Variants in EPB41L4A observed in about 807,000 individuals in gnomAD.
EPB41L4A encodes the protein erythrocyte membrane protein band 4.1 like 4A.
In EPB41L4A, 100 loss-of-function variants were observed where a neutral mutation model predicts 108.6. The ratio of observed to expected loss-of-function variants is 0.92; its 90% CI spans 0.78 to 1.09. The LOEUF (loss-of-function observed/expected upper bound fraction) is 1.09. Among genes scored for constraint, EPB41L4A ranks in the 50% least tolerant of loss-of-function variants. The pLI is 0.00. For synonymous variants in EPB41L4A, 319 were observed against 289.0 expected, an observed-to-expected ratio of 1.10 and a Z score of -1.05; for missense variants, 1,030 against 842.7, an observed-to-expected ratio of 1.22 and a Z score of -2.75.
intron 1 of EPB41L4A, among the ~76,000 whole-genome samples, chr5:112,327,802 A>G (rs1198728223): frequency 2.0e-5 from 3 of 152,196 alleles, no homozygotes; most frequent in African/African-American, 7.2e-5. Context: ...CGCAAGTAAC[A>G]GAAAGGGAGA....
At chr5:112,374,998 G>A (rs958864270) in intron 1 of EPB41L4A, among the ~76,000 whole-genome samples, 3 of 152,124 alleles carry the variant, frequency 2.0e-5, no homozygotes, top group East Asian at 1.9e-4. Flanking sequence ...CCAGCTACAC[G>A]TAACAATCAC....
At chr5:112,204,066 C>T (rs1762348555) in intron 15 of EPB41L4A, among the ~76,000 whole-genome samples, 2 of 150,822 alleles carry the variant, frequency 1.3e-5, no homozygotes, top group South Asian at 4.2e-4. Context: ...ACTGTCTCTA[C>T]TTTGTAATAT....
intron 1 of EPB41L4A, among the ~76,000 whole-genome samples, chr5:112,403,337 C>CAAA (rs113132902): frequency 2.5e-5 from 2 of 78,648 alleles, no homozygotes; most frequent in African/African-American, 3.5e-5. Flanking sequence ...TAATCCTCAG[C>CAAA]AAAAAAAAAA....
chr5:112,212,288 GTTTTTGT>G (rs1257073374), intron 12 of EPB41L4A, among the ~76,000 whole-genome samples: 3 of 139,824 alleles, frequency 2.1e-5, no homozygotes, highest in Non-Finnish European at 3.1e-5. Flanking sequence ...ACCATTAGTT[GTTTTTGT>G]TTTTTTTTTT....
At chr5:112,369,603 T>C (rs1468804076) in intron 1 of EPB41L4A, among the ~76,000 whole-genome samples, 1 of 152,188 alleles carries the variant, frequency 6.6e-6, no homozygotes, top group Non-Finnish European at 1.5e-5. Flanking sequence ...TTAATTGACT[T>C]ATTGAATATT....
At chr5:112,333,398 G>A (rs1452467785) in intron 1 of EPB41L4A, among the ~76,000 whole-genome samples, 1 of 152,160 alleles carries the variant, frequency 6.6e-6, no homozygotes, top group Non-Finnish European at 1.5e-5. Flanking sequence ...GGTCTCCGCA[G>A]GAAGCTGCAG....
chr5:112,362,386 T>C (rs746968527), intron 1 of EPB41L4A, among the ~76,000 whole-genome samples: 1 of 151,702 alleles, frequency 6.6e-6, no homozygotes, highest in Admixed American at 6.6e-5. Context: ...ATTCGAGCGA[T>C]TCTCCTGCCT....
intron 9 of EPB41L4A, among the ~76,000 whole-genome samples, chr5:112,255,544 A>G (rs920313911): frequency 2.0e-5 from 3 of 152,142 alleles, no homozygotes; most frequent in Non-Finnish European, 2.9e-5. Flanking sequence ...CCTGTATGAC[A>G]TATCAGCATC....
intron 13 of EPB41L4A, among the ~76,000 whole-genome samples, chr5:112,144,386 G>C (rs1213375027): frequency 6.6e-6 from 1 of 152,130 alleles, no homozygotes. Flanking sequence ...CCAGGGCTTA[G>C]ATGATCCTCC....
intron 12 of EPB41L4A, among the ~76,000 whole-genome samples, chr5:112,156,367 G>C (rs1476508898): frequency 1.3e-5 from 2 of 151,856 alleles, no homozygotes; most frequent in Non-Finnish European, 2.9e-5. Flanking sequence ...GGCCCAAGAA[G>C]GCCAGTGGTA....
rs115901017 is a variant in EPB41L4A, at chr5:112,353,640, G to A, written c.100-46150C>T. Among the ~76,000 whole-genome samples the A allele has an allele frequency of 8.2e-3, 1,250 of 152,286 alleles. 16 individuals carry two copies. Among genetic ancestry groups the A allele is most frequent in the African/African-American group, 0.029 (1,190 of 41,542 alleles). On this transcript the variant is annotated intron_variant, in intron 1 of 22. Coordinates refer to ENST00000261486, the MANE Select transcript of EPB41L4A (RefSeq NM_022140.5). The stretch of plus-strand genomic sequence containing the variant: ...GGCAGGGTTATCCCCAGGTTTCCAA[G>A]AGGTATAATTAGGCAACAGAGAGGT...
At chr5:112,184,273 C>T in intron 17 of EPB41L4A, 138 bp from the exon 18 acceptor site, 8 of 931,302 alleles carry the variant, frequency 8.6e-6, no homozygotes, top group Non-Finnish European at 1.3e-5. Flanking sequence ...TGCATATTAA[C>T]TGAATTAATA....
At position 112,165,041 on chromosome 5, in the gene EPB41L4A, T is replaced by C; in HGVS notation, c.2010A>G (p.Thr670=). 1 of 1,614,076 alleles carries C rather than the reference T, an allele frequency of 6.2e-7. No individual in the cohort carries two copies. Among genetic ancestry groups the C allele is most frequent in the Non-Finnish European group, 8.5e-7 (1 of 1,179,976 alleles). The part of the protein sequence containing the change: ...TSTNNLAGKH[T]AKTIKTIQAS... ...CTTGTATAGTTTTTATTGTTTTTGC[T>C]GTGTGTTTTCCAGCCAGGTTGTTTG... is the stretch of plus-strand genomic sequence containing the variant. Residue 670 remains threonine (T), a synonymous_variant, in exon 23 of 23, where the codon ACA becomes ACG. Transcript: ENST00000261486.
intron 1 of EPB41L4A, among the ~76,000 whole-genome samples, chr5:112,373,207 G>A (rs1231458630): frequency 1.3e-5 from 2 of 152,168 alleles, no homozygotes; most frequent in East Asian, 3.9e-4. Context: ...GCTGGCCTGG[G>A]GCAAGCCTTA....
intron 1 of EPB41L4A, among the ~76,000 whole-genome samples, chr5:112,412,597 G>C (rs1469623709): frequency 6.6e-6 from 1 of 152,200 alleles, no homozygotes; most frequent in African/African-American, 2.4e-5. Flanking sequence ...TCTATGCCCA[G>C]GACATGTGAT....
In EPB41L4A at chr5:112,195,656, T is replaced by C; in HGVS notation, c.1424+5A>G. 6.2e-7 allele frequency: 1 copy of C among 1,613,084 alleles called. No homozygotes were observed. ...CTGACTGTCCTTCCATTTTTGTTTT[T>C]TTACCTCCTCCTTTGCTTAAGATCT... is the stretch of plus-strand genomic sequence containing the variant. On this transcript the variant is annotated splice_donor_5th_base_variant and intron_variant, in intron 16 of 22. Coordinates refer to ENST00000261486, the MANE Select transcript of EPB41L4A (RefSeq NM_022140.5).
At chr5:112,373,006 A>G (rs920236744) in intron 1 of EPB41L4A, among the ~76,000 whole-genome samples, 21 of 152,208 alleles carry the variant, frequency 1.4e-4, no homozygotes, top group Non-Finnish European at 2.8e-4. Flanking sequence ...TATTCTTTTT[A>G]AGAGCAATCG....
intron 12 of EPB41L4A, among the ~76,000 whole-genome samples, chr5:112,215,762 C>CAAAAAAAAAAAAAAAAAAAAAAA (rs374126290): frequency 3.0e-5 from 3 of 101,372 alleles, no homozygotes; most frequent in Non-Finnish European, 5.5e-5. Context: ...GACTCCATCT[C>CAAAAAAAAAAAAAAAAAAAAAAA]AAAAAAAAAA....
chr5:112,411,190 G>C (rs1197196364), intron 1 of EPB41L4A, among the ~76,000 whole-genome samples: 1 of 152,202 alleles, frequency 6.6e-6, no homozygotes, highest in African/African-American at 2.4e-5. Flanking sequence ...ATCTAGTGCA[G>C]AATCTAGTAA....
Sources: allele counts gnomAD v4.1 joint callset (sites outside exome capture counted in the v4.1 genomes callset), GRCh38; gene constraint gnomAD v4.1.1; transcripts MANE v1.5; gene names NCBI Gene and HGNC (gene_info 2026-07-23, HGNC 2026-07-21).